The following RABGAP1L variants were observed in gnomAD, a reference collection of about 807,000 sequenced individuals.
RABGAP1L encodes the protein rab GTPase-activating protein 1-like.
Under a neutral mutation model 137.7 loss-of-function variants are expected in RABGAP1L, and 63 were observed. That is an observed-to-expected ratio of 0.46 (90% CI 0.37 to 0.56). The LOEUF (loss-of-function observed/expected upper bound fraction) is 0.56. RABGAP1L is among the 20% of genes least tolerant of loss of function. The pLI is 0.00. For missense variants in RABGAP1L, 1,095 were observed against 1,244.0 expected, an observed-to-expected ratio of 0.88 and a Z score of 1.80; for synonymous variants, 431 against 433.7, an observed-to-expected ratio of 0.99 and a Z score of 0.08.
At chr1:174,373,365 ATAT>A (rs1381123426) in intron 12 of RABGAP1L, among the ~76,000 whole-genome samples, 1 of 152,166 alleles carries the variant, frequency 6.6e-6, no homozygotes, top group African/African-American at 2.4e-5. Flanking sequence ...CAGAAAGGAG[ATAT>A]TATGATTGGA....
intron 13 of RABGAP1L, among the ~76,000 whole-genome samples, chr1:174,424,484 C>T (rs994488362): frequency 1.3e-5 from 2 of 152,036 alleles, no homozygotes; most frequent in African/African-American, 4.8e-5. Context: ...CTTTTAGGAA[C>T]ATTTTCGTCA....
At chr1:174,183,163 G>A (rs911566374) in intron 1 of RABGAP1L, among the ~76,000 whole-genome samples, 1 of 152,136 alleles carries the variant, frequency 6.6e-6, no homozygotes, top group Non-Finnish European at 1.5e-5. Flanking sequence ...ATAAAGATGA[G>A]GCGAGAGTTG....
chr1:174,649,422 C>T (rs933378923), intron 14 of RABGAP1L, among the ~76,000 whole-genome samples: 1 of 152,018 alleles, frequency 6.6e-6, no homozygotes, highest in African/African-American at 2.4e-5. Flanking sequence ...TCGGCGATGG[C>T]TTGTCTGTAA....
intron 13 of RABGAP1L, among the ~76,000 whole-genome samples, chr1:174,501,919 C>CT (rs911796050): frequency 1.3e-5 from 2 of 149,596 alleles, no homozygotes; most frequent in African/African-American, 4.9e-5. Flanking sequence ...TTTTTTTTGA[C>CT]TTTCAGTTTT....
At chr1:174,425,672 T>G (rs1247771650) in intron 13 of RABGAP1L, among the ~76,000 whole-genome samples, 1 of 152,076 alleles carries the variant, frequency 6.6e-6, no homozygotes, top group East Asian at 1.9e-4. Flanking sequence ...TCTGTTATAT[T>G]TTATTAATGA....
intron 1 of RABGAP1L, among the ~76,000 whole-genome samples, chr1:174,180,785 G>T (rs1365344545): frequency 6.6e-6 from 1 of 152,056 alleles, no homozygotes; most frequent in Non-Finnish European, 1.5e-5. Flanking sequence ...CTTTTATTTT[G>T]TGAAAATAGT....
intron 18 of RABGAP1L, among the ~76,000 whole-genome samples, chr1:174,770,931 A>G (rs528403992): frequency 7.2e-5 from 11 of 152,338 alleles, no homozygotes; most frequent in Non-Finnish European, 1.5e-4. Flanking sequence ...GTCACATCTA[A>G]TAGGGGAGGC....
intron 19 of RABGAP1L, among the ~76,000 whole-genome samples, chr1:174,812,452 A>G (rs548061294): frequency 6.6e-6 from 1 of 152,356 alleles, no homozygotes; most frequent in African/African-American, 2.4e-5. Context: ...CACATTTTAT[A>G]AATCAATTTG....
intron 15 of RABGAP1L, among the ~76,000 whole-genome samples, chr1:174,693,377 G>A (rs1389985741): frequency 6.6e-6 from 1 of 152,136 alleles, no homozygotes; most frequent in Non-Finnish European, 1.5e-5. Context: ...CACAGCCATT[G>A]TTACAAATTA....
At chr1:174,241,687 A>G (rs750460883) in intron 5 of RABGAP1L, 30 bp downstream of exon 5, 19 of 1,511,918 alleles carry the variant, frequency 1.3e-5, no homozygotes, top group Admixed American at 7.9e-5. Flanking sequence ...GCAATTTGCT[A>G]TAGAGATGAA....
intron 3 of RABGAP1L, among the ~76,000 whole-genome samples, chr1:174,227,585 C>A (rs1024599647): frequency 3.9e-5 from 6 of 152,056 alleles, no homozygotes; most frequent in African/African-American, 1.4e-4. Context: ...CTCTTCTGTT[C>A]TTGTTTTTCC....
At chr1:174,202,751 C>G (rs955870698) in intron 1 of RABGAP1L, among the ~76,000 whole-genome samples, 2 of 152,046 alleles carry the variant, frequency 1.3e-5, no homozygotes, top group African/African-American at 4.8e-5. Context: ...AATGGTATTG[C>G]CTAGGTTTTC....
intron 15 of RABGAP1L, among the ~76,000 whole-genome samples, chr1:174,697,128 C>A (rs1317300656): frequency 1.3e-5 from 2 of 152,214 alleles, no homozygotes; most frequent in African/African-American, 2.4e-5. Flanking sequence ...GGGCCTGCAC[C>A]TCATCTGTTC....
At chr1:174,741,057 T>G (rs554240714) in intron 17 of RABGAP1L, among the ~76,000 whole-genome samples, 5,604 of 137,858 alleles carry the variant, frequency 0.041, 179 homozygotes, top group African/African-American at 0.1. Flanking sequence ...TTTTTTTTTT[T>G]TGTGTGTGGG....
intron 13 of RABGAP1L, among the ~76,000 whole-genome samples, chr1:174,542,075 C>G (rs1357768537): frequency 6.6e-6 from 1 of 152,224 alleles, no homozygotes; most frequent in Admixed American, 6.5e-5. Context: ...GTGTCTCTGC[C>G]AGGCATTGGT....
intron 13 of RABGAP1L, among the ~76,000 whole-genome samples, chr1:174,418,941 G>A (rs976310365): frequency 6.6e-6 from 1 of 152,114 alleles, no homozygotes; most frequent in African/African-American, 2.4e-5. Flanking sequence ...AGGAGGCTGA[G>A]GCAGGAGAAT....
rs567511465 is a variant in RABGAP1L, at chr1:174,744,338, A to G, written c.2170-7975A>G. 7.3e-5 allele frequency among the ~76,000 whole-genome samples: 11 copies of G among 150,138 alleles called. No individual in the cohort carries two copies. The South Asian group carries it at 2.4e-3, about 33-fold the overall frequency. On this transcript the variant is annotated intron_variant, in intron 17 of 25. Coordinates refer to ENST00000681986, the MANE Select transcript of RABGAP1L (RefSeq NM_001366446.1). ...GTAGAACCTGTATTTAAGAGCAGCT[A>G]GTATTAACTTATTTCTTTTTGCGTG...
intron 14 of RABGAP1L, among the ~76,000 whole-genome samples, chr1:174,676,058 T>C (rs1677600040): frequency 6.6e-6 from 1 of 152,052 alleles, no homozygotes; most frequent in Admixed American, 6.6e-5. Flanking sequence ...TTACCACATA[T>C]CTGTAATGGA....
chr1:174,535,676 G>A (rs570636275), intron 13 of RABGAP1L, among the ~76,000 whole-genome samples: 3 of 151,964 alleles, frequency 2.0e-5, no homozygotes, highest in East Asian at 1.9e-4. Flanking sequence ...ATAGTTTAGG[G>A]GAAATAATTA....
Sources: gnomAD v4.1 joint callset for allele counts (sites outside exome capture counted in the v4.1 genomes callset) on GRCh38, gnomAD v4.1.1 for gene constraint, MANE v1.5 for transcripts, NCBI Gene and HGNC (gene_info 2026-07-23, HGNC 2026-07-21) for gene names.